GRIK2: variants seen among roughly 807,000 people sequenced by gnomAD.
The protein encoded by GRIK2 is glutamate receptor ionotropic, kainate 2.
In GRIK2, 32 loss-of-function variants were observed where a neutral mutation model predicts 100.3. That is an observed-to-expected ratio of 0.32 (90% confidence interval 0.24 to 0.43). GRIK2 has a LOEUF of 0.43. Among genes scored for constraint, GRIK2 ranks in the 20% least tolerant of loss-of-function variants. GRIK2 has a pLI of 1.00. For synonymous variants in GRIK2, 417 were observed against 389.4 expected (o/e 1.07, Z -0.83); for missense variants, 843 against 1,114.9 (o/e 0.76, Z 3.47).
chr6:101,487,314 C>T (rs2579945), intron 2 of GRIK2, among the ~76,000 whole-genome samples: 1 of 145,630 alleles, frequency 6.9e-6, no homozygotes, highest in Admixed American at 6.8e-5. Context: ...AGACACTGAC[C>T]ATTCTAGGAC....
At chr6:101,659,821 G>A (rs189427895) in intron 4 of GRIK2, among the ~76,000 whole-genome samples, 2 of 152,162 alleles carry the variant, frequency 1.3e-5, no homozygotes, top group Non-Finnish European at 2.9e-5. Flanking sequence ...GGCTTGTAGG[G>A]CTTCTGAAGA....
intron 4 of GRIK2, among the ~76,000 whole-genome samples, chr6:101,670,635 A>G (rs768952974): frequency 6.6e-6 from 1 of 152,190 alleles, no homozygotes; most frequent in Admixed American, 6.5e-5. Flanking sequence ...ATATGTAACT[A>G]TATAACGCCT....
In GRIK2 at chr6:102,068,473, A is replaced by T; in HGVS notation, c.2689A>T (p.Asn897Tyr). Residue 897 changes from asparagine to tyrosine, a missense_variant, in exon 17 of 17, where the codon AAC (asparagine) becomes TAC (tyrosine). Around this residue, in one of 3 missense-constraint regions of GRIK2, gnomAD observed 87 missense variants for 83.2 expected, o/e 1.05. Coordinates refer to ENST00000369134, the MANE Select transcript of GRIK2 (RefSeq NM_021956.5). ...TEEVINMHTF[N>Y]DRRLPGKETM... ...AGAAGTTATCAACATGCACACATTT[A>T]ACGACAGAAGGTTGCCAGGTAAAGA... The T allele has an allele frequency of 6.2e-7, 1 of 1,612,046 alleles. No homozygotes were observed. The highest frequency in any genetic ancestry group is 8.5e-7 in the Non-Finnish European group (1 of 1,178,672).
At chr6:101,581,060 C>T (rs1321258054) in intron 2 of GRIK2, among the ~76,000 whole-genome samples, 1 of 151,640 alleles carries the variant, frequency 6.6e-6, no homozygotes, top group Admixed American at 6.6e-5. Context: ...GGATTTTTGC[C>T]TTTTTTCAGT....
chr6:101,945,734 C>T (rs1056950356), intron 14 of GRIK2, among the ~76,000 whole-genome samples: 5 of 152,168 alleles, frequency 3.3e-5, no homozygotes, highest in African/African-American at 1.2e-4. Context: ...CATAACTCCT[C>T]TGTAAAGTGA....
chr6:101,800,702 C>T lies in GRIK2; in HGVS notation c.1095+911C>T, dbSNP rs147945051. 3.1e-3 allele frequency among the ~76,000 whole-genome samples: 472 copies of T among 152,062 alleles called. 5 individuals are homozygous for T. The highest frequency in any genetic ancestry group is 0.011 in the African/African-American group (442 of 41,490). On this transcript the variant is annotated intron_variant, in intron 8 of 16. Transcript: ENST00000369134. The stretch of plus-strand genomic sequence containing the variant: ...TCTCAGGTAGATGAATTAATAGTTT[C>T]GAAGAATATGCAGTTTATTAGTTGC...
rs576829104 is a variant in GRIK2 at position 101,451,937 on chromosome 6, TC to T, written c.115+52546del. 1.2e-3 allele frequency among the ~76,000 whole-genome samples: 183 copies of T among 151,882 alleles called. 1 individual carries two copies. The highest frequency in any genetic ancestry group is 4.2e-3 in the African/African-American group (173 of 41,506). ...CACCTATTCGAGGGTAAAACAGTAT[TC>T]ACTAGTACTAAAACTAATAGCCAAT... is the stretch of plus-strand genomic sequence containing the variant. On this transcript the variant is annotated intron_variant, in intron 2 of 16. Coordinates refer to ENST00000369134, the MANE Select transcript of GRIK2 (RefSeq NM_021956.5).
chr6:101,733,287 G>A (rs1474991202), intron 7 of GRIK2, among the ~76,000 whole-genome samples: 2 of 152,086 alleles, frequency 1.3e-5, no homozygotes, highest in Non-Finnish European at 2.9e-5. Context: ...ATGAACCTGT[G>A]AAGTCAGACA....
In GRIK2 at chr6:101,966,628, T is replaced by C. The variant is rs1417513099; in HGVS notation, c.2085+37996T>C. Among the ~76,000 whole-genome samples, 4 of 152,104 alleles carry C rather than the reference T, an allele frequency of 2.6e-5. 1 individual carries two copies. Among genetic ancestry groups the C allele is most frequent in the Admixed American group, 1.3e-4 (2 of 15,246 alleles). On this transcript the variant is annotated intron_variant, in intron 14 of 16. Transcript: ENST00000369134. ...CCTGTGATAGGTGCTCAAGAAATTG[T>C]CAATGCATAAGTGATTCAATGGATA...
At chr6:101,594,369 AAAAG>A (rs1200194838) in intron 2 of GRIK2, among the ~76,000 whole-genome samples, 3 of 151,840 alleles carry the variant, frequency 2.0e-5, no homozygotes, top group African/African-American at 4.8e-5. Flanking sequence ...TAATGAATAA[AAAAG>A]ACATTTTCAT....
At chr6:101,827,808 G>T (rs928900647) in intron 10 of GRIK2, among the ~76,000 whole-genome samples, 2 of 151,882 alleles carry the variant, frequency 1.3e-5, no homozygotes, top group Non-Finnish European at 2.9e-5. Context: ...CCCAAGAAAA[G>T]ACTTTAACAG....
At chr6:101,928,339 G>A (rs1790046047) in intron 13 of GRIK2, 76 bp from the exon 14 acceptor site, 5 of 785,346 alleles carry the variant, frequency 6.4e-6, no homozygotes, top group African/African-American at 5.1e-5. Flanking sequence ...ATTCCATTCT[G>A]CCACTGTGAC....
At chr6:101,997,487 T>A (rs1794711983) in intron 14 of GRIK2, among the ~76,000 whole-genome samples, 1 of 152,098 alleles carries the variant, frequency 6.6e-6, no homozygotes, top group African/African-American at 2.4e-5. Flanking sequence ...AATTGTTAAT[T>A]GTTTCTAATC....
At chr6:101,931,905 G>C (rs1790311831) in intron 14 of GRIK2, among the ~76,000 whole-genome samples, 1 of 152,068 alleles carries the variant, frequency 6.6e-6, no homozygotes, top group South Asian at 2.1e-4. Context: ...TTGGAATCTG[G>C]GAATTTAGTG....
intron 5 of GRIK2, among the ~76,000 whole-genome samples, chr6:101,679,559 C>T (rs1771089314): frequency 6.6e-6 from 1 of 152,028 alleles, no homozygotes; most frequent in African/African-American, 2.4e-5. Context: ...ATACAATTCA[C>T]TCAAAAGTAG....
chr6:101,795,353 G>C (rs1780223320), intron 7 of GRIK2, among the ~76,000 whole-genome samples: 2 of 152,174 alleles, frequency 1.3e-5, no homozygotes, highest in African/African-American at 4.8e-5. Flanking sequence ...ATTATTAGTG[G>C]AGACTGTGTT....
chr6:101,921,744 G>A (rs1173146082), intron 12 of GRIK2, among the ~76,000 whole-genome samples: 1 of 151,972 alleles, frequency 6.6e-6, no homozygotes, highest in African/African-American at 2.4e-5. Context: ...AAAAAGAATT[G>A]ACTTACCTTT....
chr6:101,674,525 G>A (rs528269331), intron 4 of GRIK2, among the ~76,000 whole-genome samples: 2 of 152,270 alleles, frequency 1.3e-5, no homozygotes, highest in South Asian at 2.1e-4. Flanking sequence ...TTGGAAGGAC[G>A]TCATAGCCGA....
chr6:101,603,264 G>C (rs1232300022), intron 2 of GRIK2, among the ~76,000 whole-genome samples: 1 of 151,582 alleles, frequency 6.6e-6, no homozygotes, highest in Non-Finnish European at 1.5e-5. Flanking sequence ...AAGCCAAAGG[G>C]GATATGTAGT....
Sources: gnomAD v4.1 joint callset for allele counts (sites outside exome capture counted in the v4.1 genomes callset) on GRCh38, gnomAD v4.1.1 for gene constraint, gnomAD v4.1.1 regional missense constraint, MANE v1.5 for transcripts, NCBI Gene and HGNC (gene_info 2026-07-23, HGNC 2026-07-21) for gene names.